RANBP2: variants seen among roughly 807,000 people sequenced by gnomAD.
The protein encoded by RANBP2 is RAN binding protein 2.
RANBP2 carries 57 observed loss-of-function variants against 303.6 expected under a neutral mutation model. The observed-to-expected ratio is 0.19, with a 90% confidence interval of 0.15 to 0.23. The LOEUF (loss-of-function observed/expected upper bound fraction) is 0.23, where lower values mean the gene tolerates loss of function less well. Among genes scored for constraint, RANBP2 ranks in the 10% least tolerant of loss-of-function variants. The pLI, the probability that RANBP2 is intolerant of heterozygous loss-of-function variation, is 1.00. For missense variants in RANBP2, 3,138 were observed against 3,780.8 expected (o/e 0.83, Z 4.46); for synonymous variants, 1,167 against 1,301.5 (o/e 0.90, Z 2.23).
chr2:108,758,605 T>C (rs1676501841), intron 18 of RANBP2, 57 bp downstream of exon 18: 20 of 1,609,360 alleles, frequency 1.2e-5, no homozygotes, highest in African/African-American at 4.0e-5. Flanking sequence ...CTTCCCTCTT[T>C]TAAGTAGATA....
chr2:109,453,280 C>T, the RANBP2 span, among the ~76,000 whole-genome samples: 2 of 152,350 alleles, frequency 1.3e-5, no homozygotes, highest in Non-Finnish European at 2.9e-5. Flanking sequence ...GCAGGGGCTG[C>T]CCTGTGGCCA....
the RANBP2 span, chr2:108,804,830 TA>T: frequency 7.3e-7 from 1 of 1,378,240 alleles, no homozygotes; most frequent in African/African-American, 1.5e-5. Flanking sequence ...CGTTCCATAG[TA>T]TTAGTGATAT....
chr2:109,384,639 G>A, the RANBP2 span, among the ~76,000 whole-genome samples: 16 of 152,280 alleles, frequency 1.1e-4, no homozygotes, highest in African/African-American at 3.8e-4. Flanking sequence ...CCGCGACCTT[G>A]TGCCTGTGTC....
At chr2:109,103,383 A>G in the RANBP2 span, among the ~76,000 whole-genome samples, 1 of 152,196 alleles carries the variant, frequency 6.6e-6, no homozygotes, top group East Asian at 1.9e-4. Context: ...ATGTCTCCCT[A>G]AAATATATAA....
chr2:109,176,788 G>A, the RANBP2 span, among the ~76,000 whole-genome samples: 1 of 152,176 alleles, frequency 6.6e-6, no homozygotes, highest in East Asian at 1.9e-4. Context: ...TGTTCCGCTG[G>A]CAGAAGTTAG....
the RANBP2 span, among the ~76,000 whole-genome samples, chr2:109,607,190 T>C: frequency 6.6e-6 from 1 of 152,206 alleles, no homozygotes. Flanking sequence ...ACAAATAATT[T>C]GTATTTTCCA....
the RANBP2 span, chr2:109,371,559 G>T: frequency 6.9e-6 from 11 of 1,602,356 alleles, no homozygotes; most frequent in African/African-American, 2.7e-5. Context: ...CCGTATGCTT[G>T]TGTCCACGGT....
At chr2:108,841,955 G>C in the RANBP2 span, among the ~76,000 whole-genome samples, 2 of 151,892 alleles carry the variant, frequency 1.3e-5, no homozygotes, top group Non-Finnish European at 2.9e-5. Context: ...TTTTAATTTA[G>C]GATCTTTAAG....
the RANBP2 span, among the ~76,000 whole-genome samples, chr2:109,167,055 A>G: frequency 6.6e-6 from 1 of 152,220 alleles, no homozygotes; most frequent in Non-Finnish European, 1.5e-5. Context: ...TGGGAATACC[A>G]TGGAGGTCAG....
chr2:109,435,182 C>A, the RANBP2 span, among the ~76,000 whole-genome samples: 1 of 152,168 alleles, frequency 6.6e-6, no homozygotes, highest in Non-Finnish European at 1.5e-5. Context: ...GCGCCCGGGT[C>A]GGCTGCCCCC....
At chr2:109,521,557 G>A in the RANBP2 span, among the ~76,000 whole-genome samples, 3 of 152,344 alleles carry the variant, frequency 2.0e-5, no homozygotes, top group South Asian at 6.2e-4. Context: ...CTGGCACTCA[G>A]TGCATGCTCG....
chr2:108,838,406 A>T, the RANBP2 span, among the ~76,000 whole-genome samples: 1 of 152,136 alleles, frequency 6.6e-6, no homozygotes, highest in Admixed American at 6.5e-5. Flanking sequence ...TGACATAACC[A>T]TTTTCCTGAT....
chr2:108,835,387 G>A, the RANBP2 span, among the ~76,000 whole-genome samples: 1 of 152,126 alleles, frequency 6.6e-6, no homozygotes, highest in Admixed American at 6.5e-5. Context: ...CCATGTGTTA[G>A]GGCCAGTAAG....
the RANBP2 span, among the ~76,000 whole-genome samples, chr2:108,829,824 G>A: frequency 6.6e-6 from 1 of 152,192 alleles, no homozygotes; most frequent in East Asian, 1.9e-4. Flanking sequence ...TTGTTTACTG[G>A]TGATAGGAAT....
chr2:109,181,482 A>AACAC, the RANBP2 span, among the ~76,000 whole-genome samples: 1 of 151,640 alleles, frequency 6.6e-6, no homozygotes, highest in South Asian at 2.1e-4. Flanking sequence ...CCACTGGTGT[A>AACAC]ACACACACAC....
the RANBP2 span, chr2:109,490,504 A>G: frequency 3.0e-6 from 3 of 1,005,040 alleles, no homozygotes; most frequent in South Asian, 9.4e-5. Flanking sequence ...AAGAAATTTA[A>G]AAATAAAGTT....
chr2:109,603,519 G>A, the RANBP2 span, among the ~76,000 whole-genome samples: 3 of 151,994 alleles, frequency 2.0e-5, no homozygotes, highest in South Asian at 2.1e-4. Flanking sequence ...GATTACAGGC[G>A]TGCACCACCG....
chr2:109,139,444 A>G, the RANBP2 span, among the ~76,000 whole-genome samples: 2 of 152,216 alleles, frequency 1.3e-5, no homozygotes, highest in East Asian at 1.9e-4. Context: ...CACTCCTAAT[A>G]GGAAGACAAC....
the RANBP2 span, among the ~76,000 whole-genome samples, chr2:109,489,958 G>A: frequency 3.4e-4 from 52 of 152,242 alleles, no homozygotes; most frequent in East Asian, 5.4e-3. Context: ...GGCTGGTCTC[G>A]AACTCCTGAC....
Sources: gnomAD v4.1 joint callset for allele counts (sites outside exome capture counted in the v4.1 genomes callset) on GRCh38, gnomAD v4.1.1 for gene constraint, MANE v1.5 for transcripts, NCBI Gene and HGNC (gene_info 2026-07-23, HGNC 2026-07-21) for gene names.